Variants in RFC3 observed in about 807,000 individuals in gnomAD.
The protein encoded by RFC3 is A1 38 kDa subunit.
Under a neutral mutation model 45.1 loss-of-function variants are expected in RFC3, and 41 were observed. The observed-to-expected ratio is 0.91, with a 90% CI of 0.71 to 1.18. The LOEUF is 1.18. RFC3 is among the 50% of genes most tolerant of loss of function. The pLI is 0.00. For missense variants in RFC3, 423 were observed against 428.1 expected (o/e 0.99, Z 0.10); for synonymous variants, 149 against 144.0 (o/e 1.03, Z -0.25).
intron 8 of RFC3, among the ~76,000 whole-genome samples, chr13:33,885,889 A>G (rs1422878069): frequency 2.0e-5 from 3 of 152,094 alleles, no homozygotes; most frequent in African/African-American, 7.2e-5. Flanking sequence ...CACACAATTG[A>G]GATTAAAGAT....
chr13:33,866,882 G>A (rs2082377026), intron 8 of RFC3, among the ~76,000 whole-genome samples: 1 of 152,108 alleles, frequency 6.6e-6, no homozygotes, highest in Admixed American at 6.6e-5. Context: ...GGTAAATAGG[G>A]TAAATAATCA....
chr13:33,942,875 C>A (rs2137807720), intron 8 of RFC3, among the ~76,000 whole-genome samples: 1 of 152,258 alleles, frequency 6.6e-6, no homozygotes, highest in African/African-American at 2.4e-5. Flanking sequence ...TGGTGCCCAC[C>A]TTTAGCAGTT....
chr13:33,823,625 C>T (rs753838280), intron 2 of RFC3, among the ~76,000 whole-genome samples: 1 of 151,896 alleles, frequency 6.6e-6, no homozygotes, highest in Non-Finnish European at 1.5e-5. Context: ...AGGAACAGAT[C>T]GTTTGCAATG....
At chr13:33,865,764 T>G (rs4943158) in intron 8 of RFC3, among the ~76,000 whole-genome samples, 274 of 152,152 alleles carry the variant, frequency 1.8e-3, no homozygotes, top group African/African-American at 6.3e-3. Flanking sequence ...TCAGAAAATA[T>G]TCAGTGTGGC....
At chr13:33,946,990 T>C (rs939119777) in intron 8 of RFC3, among the ~76,000 whole-genome samples, 1 of 152,224 alleles carries the variant, frequency 6.6e-6, no homozygotes, top group Non-Finnish European at 1.5e-5. Context: ...AAGATATGCA[T>C]ATCTGCTAAA....
At chr13:33,895,813 T>C (rs1566019983) in intron 8 of RFC3, among the ~76,000 whole-genome samples, 1 of 152,070 alleles carries the variant, frequency 6.6e-6, no homozygotes, top group Non-Finnish European at 1.5e-5. Context: ...CACCATAGAA[T>C]ACTACACAGC....
chr13:33,975,574 AAT>A, the RFC3 span, among the ~76,000 whole-genome samples: 5 of 152,194 alleles, frequency 3.3e-5, no homozygotes, highest in African/African-American at 1.2e-4. Context: ...CCCAGGATTG[AAT>A]ATAGAATGTG....
the RFC3 span, among the ~76,000 whole-genome samples, chr13:33,976,280 A>T: frequency 6.6e-6 from 1 of 152,214 alleles, no homozygotes; most frequent in Admixed American, 6.6e-5. Flanking sequence ...ACTTGTAGCA[A>T]CATAAATGGA....
intron 8 of RFC3, among the ~76,000 whole-genome samples, chr13:33,869,552 T>C (rs1006416540): frequency 3.3e-5 from 5 of 152,198 alleles, no homozygotes; most frequent in East Asian, 1.9e-4. Context: ...AAGAAAGATA[T>C]TGTTGAATGT....
downstream of RFC3, among the ~76,000 whole-genome samples, chr13:33,968,514 A>G (rs1237230194): frequency 1.3e-5 from 2 of 152,256 alleles, no homozygotes; most frequent in African/African-American, 4.8e-5. Context: ...CACAGAATGA[A>G]GGACAACCAG....
intron 4 of RFC3, among the ~76,000 whole-genome samples, chr13:33,828,514 G>GTCGAATC (rs1469091179): frequency 6.6e-6 from 1 of 152,310 alleles, no homozygotes; most frequent in East Asian, 1.9e-4. Flanking sequence ...ATTGGGCTCT[G>GTCGAATC]TCGAATCTCC....
chr13:33,853,419 A>G (rs2082289396), intron 8 of RFC3, among the ~76,000 whole-genome samples: 1 of 152,192 alleles, frequency 6.6e-6, no homozygotes, highest in South Asian at 2.1e-4. Context: ...CATTATTAGA[A>G]ACCCAAACAC....
At chr13:33,877,727 T>G (rs2082457802) in intron 8 of RFC3, among the ~76,000 whole-genome samples, 1 of 148,424 alleles carries the variant, frequency 6.7e-6, no homozygotes, top group African/African-American at 2.4e-5. Flanking sequence ...ATATAATATA[T>G]AATATATGGT....
At chr13:33,908,501 T>C (rs1212119765) in intron 8 of RFC3, among the ~76,000 whole-genome samples, 1 of 151,966 alleles carries the variant, frequency 6.6e-6, no homozygotes, top group Non-Finnish European at 1.5e-5. Flanking sequence ...TGGAGAATTA[T>C]TATTATTGCA....
In RFC3 at chr13:33,835,523, G is replaced by T. The variant is rs146752927; in HGVS notation, c.879+306G>T. 4.6e-4 allele frequency: 251 copies of T among 540,660 alleles called. 2 individuals carry two copies. Among genetic ancestry groups the T allele is most frequent in the African/African-American group, 4.0e-3 (211 of 53,320 alleles). The allele number at this position is 540,660 out of a possible 1,614,324, so 33.5% of individuals were successfully genotyped here. A position where few individuals can be genotyped will look rare whatever the true frequency, so the allele number is the denominator to read the frequency against. ...CCAAGGTGCAGGGATGATAATGGAG[G>T]GTGGGGCTACAAAGAAAAAAGTGAA... On this transcript the variant is annotated intron_variant, in intron 8 of 8. Coordinates refer to ENST00000380071, the MANE Select transcript of RFC3 (RefSeq NM_002915.4).
chr13:33,835,555 C>T, intron 8 of RFC3: 2 of 473,562 alleles, frequency 4.2e-6, no homozygotes, highest in Non-Finnish European at 8.1e-6. Context: ...TGAAGTTCCA[C>T]CCATCCGTTT....
At chr13:33,962,518 C>T (rs1410880312) in intron 8 of RFC3, among the ~76,000 whole-genome samples, 1 of 152,128 alleles carries the variant, frequency 6.6e-6, no homozygotes, top group Non-Finnish European at 1.5e-5. Context: ...CAAATAGTCA[C>T]AGCTTTTACA....
intron 8 of RFC3, among the ~76,000 whole-genome samples, chr13:33,905,847 C>A (rs556682914): frequency 1.8e-4 from 28 of 152,138 alleles, no homozygotes; most frequent in East Asian, 1.5e-3. Flanking sequence ...GGAAAGCCCA[C>A]TTTGATAAAT....
downstream of RFC3, chr13:33,966,689 G>A (rs2083089670): frequency 6.6e-6 from 1 of 152,522 alleles, no homozygotes; most frequent in African/African-American, 2.4e-5. Context: ...TGGACTCAAT[G>A]AAAAATACTA....
Sources: gnomAD v4.1 joint callset for allele counts (sites outside exome capture counted in the v4.1 genomes callset) on GRCh38, gnomAD v4.1.1 for gene constraint, MANE v1.5 for transcripts, NCBI Gene and HGNC (gene_info 2026-07-23, HGNC 2026-07-21) for gene names.